The following LPP variants were observed in gnomAD, a reference collection of about 807,000 sequenced individuals.
The protein encoded by LPP is lipoma-preferred partner.
In LPP, 38 loss-of-function variants were observed where a neutral mutation model predicts 60.4. The ratio of observed to expected loss-of-function variants is 0.63; its 90% confidence interval spans 0.49 to 0.83. The LOEUF is 0.83. Among genes scored for constraint, LPP ranks in the 40% least tolerant of loss-of-function variants. LPP has a pLI of 0.00. For synonymous variants in LPP, 328 were observed against 290.8 expected, an observed-to-expected ratio of 1.13 and a Z score of -1.30; for missense variants, 902 against 783.6, an observed-to-expected ratio of 1.15 and a Z score of -1.80.
chr3:188,871,909 G>A (rs1768202088), intron 10 of LPP, among the ~76,000 whole-genome samples: 1 of 152,092 alleles, frequency 6.6e-6, no homozygotes, highest in African/African-American at 2.4e-5. Flanking sequence ...ATATGCATAT[G>A]CATATTTATA....
intron 4 of LPP, among the ~76,000 whole-genome samples, chr3:188,479,962 G>A (rs1166296816): frequency 6.6e-6 from 1 of 152,036 alleles, no homozygotes; most frequent in Non-Finnish European, 1.5e-5. Context: ...CTCTGATGGG[G>A]GCCTTTGTTT....
chr3:188,678,281 G>GT (rs1435665150), intron 7 of LPP, among the ~76,000 whole-genome samples: 2 of 152,192 alleles, frequency 1.3e-5, no homozygotes, highest in African/African-American at 4.8e-5. Flanking sequence ...ACAAACCAAA[G>GT]TCTTCTTCTG....
At chr3:188,862,785 A>G (rs1218914748) in intron 9 of LPP, among the ~76,000 whole-genome samples, 2 of 150,892 alleles carry the variant, frequency 1.3e-5, no homozygotes, top group Non-Finnish European at 3.0e-5. Context: ...GAGAGAGAGA[A>G]AGAAAGAAAG....
In LPP at chr3:188,381,503, C is replaced by T. The variant is rs149602286; in HGVS notation, c.-9-24609C>T. Among the ~76,000 whole-genome samples the T allele has an allele frequency of 4.4e-3, 669 of 152,248 alleles. 9 individuals are homozygous for T. Among genetic ancestry groups the T allele is most frequent in the African/African-American group, 0.015 (616 of 41,542 alleles). ...ACATCTCTTTACTCTAGAAGGTTCTCAAAGGAGTTACCACACATGAAAGAA... is the reference window on the plus strand; with the variant it reads ...ACATCTCTTTACTCTAGAAGGTTCTTAAAGGAGTTACCACACATGAAAGAA... On this transcript the variant is annotated intron_variant, in intron 3 of 11. Coordinates refer to ENST00000617246, the MANE Select transcript of LPP (RefSeq NM_001375462.1).
chr3:188,423,088 A>G (rs1788296774), intron 4 of LPP, among the ~76,000 whole-genome samples: 1 of 151,866 alleles, frequency 6.6e-6, no homozygotes, highest in African/African-American at 2.4e-5. Flanking sequence ...TCCTAATGCT[A>G]TCCCTCCCCT....
At chr3:188,847,686 CA>C (rs1206643041) in intron 9 of LPP, among the ~76,000 whole-genome samples, 1 of 152,082 alleles carries the variant, frequency 6.6e-6, no homozygotes, top group Non-Finnish European at 1.5e-5. Context: ...GGTTGTCAGG[CA>C]AATATCTGTT....
intron 1 of LPP, among the ~76,000 whole-genome samples, chr3:188,158,175 C>A (rs144002719): frequency 2.6e-4 from 40 of 151,952 alleles, no homozygotes; most frequent in African/African-American, 9.7e-4. Flanking sequence ...GGACTTTGAC[C>A]CTGGGCCGCG....
Position 188,475,859 on chromosome 3 carries a change from C to T in LPP, c.194-8733C>T, listed in dbSNP as rs571179900. On this transcript the variant is annotated intron_variant, in intron 4 of 11. Transcript: ENST00000617246. ...CGGAGCTTGCAGTGAGCCGAGATTG[C>T]GCCACTGCAGTCCAGCCTGGGCGAC... Among the ~76,000 whole-genome samples, 10 of 152,214 alleles carry T rather than the reference C, an allele frequency of 6.6e-5. No individual in the cohort carries two copies. The South Asian group carries it at 1.5e-3, about 22-fold the overall frequency.
intron 4 of LPP, among the ~76,000 whole-genome samples, chr3:188,407,631 G>A (rs907376310): frequency 2.0e-5 from 3 of 152,162 alleles, no homozygotes; most frequent in South Asian, 4.1e-4. Context: ...CATCTTTGCA[G>A]TTAATCAAGC....
At chr3:188,240,376 T>TGTGA (rs534393899) in intron 2 of LPP, among the ~76,000 whole-genome samples, 8,220 of 143,060 alleles carry the variant, frequency 0.057, 376 homozygotes, top group African/African-American at 0.13. Flanking sequence ...TGTGTGTGTG[T>TGTGA]GAGAGAGAGA....
intron 7 of LPP, among the ~76,000 whole-genome samples, chr3:188,675,398 C>T (rs374973022): frequency 3.9e-4 from 59 of 152,292 alleles, no homozygotes; most frequent in African/African-American, 1.3e-3. Context: ...AAACAAACCA[C>T]GCATACACAC....
intron 5 of LPP, among the ~76,000 whole-genome samples, chr3:188,520,762 T>C (rs1243866955): frequency 6.6e-6 from 1 of 152,156 alleles, no homozygotes; most frequent in African/African-American, 2.4e-5. Flanking sequence ...AGTGTGGGGA[T>C]TGTTATAATT....
In LPP at chr3:188,330,446, T is replaced by TC. The variant is rs979397505; in HGVS notation, c.-66-11212dup. 5.9e-5 allele frequency among the ~76,000 whole-genome samples: 9 copies of TC among 152,310 alleles called. No individual in the cohort carries two copies. In the South Asian group the frequency reaches 8.3e-4, roughly 14 times the overall value. On this transcript the variant is annotated intron_variant, in intron 2 of 11. Coordinates refer to ENST00000617246, the MANE Select transcript of LPP (RefSeq NM_001375462.1). Reference sequence around the variant, plus strand: ...GTTCTCATTCACCGTTCAGTTGCCTTCCCCCACCTGTGAGCTTTTTGAGTC... The same window carrying TC: ...GTTCTCATTCACCGTTCAGTTGCCTTCCCCCCACCTGTGAGCTTTTTGAGTC...
At chr3:188,185,571 G>A (rs966998578) in intron 1 of LPP, among the ~76,000 whole-genome samples, 7 of 151,778 alleles carry the variant, frequency 4.6e-5, no homozygotes, top group Admixed American at 2.6e-4. Flanking sequence ...AGTTTATTGC[G>A]TGGATAACTC....
intron 7 of LPP, among the ~76,000 whole-genome samples, chr3:188,701,942 C>T (rs1233230132): frequency 8.3e-6 from 1 of 120,054 alleles, no homozygotes; most frequent in Non-Finnish European, 1.7e-5. Flanking sequence ...CTGTTTTTTT[C>T]CCTTTTTTTT....
chr3:188,729,303 G>C (rs2150008804), intron 8 of LPP, among the ~76,000 whole-genome samples: 1 of 152,344 alleles, frequency 6.6e-6, no homozygotes, highest in Middle Eastern at 3.4e-3. Flanking sequence ...CTGGAGTTCA[G>C]TGATAAAAGA....
At chr3:188,631,000 A>G (rs1232589326) in intron 7 of LPP, among the ~76,000 whole-genome samples, 2 of 152,130 alleles carry the variant, frequency 1.3e-5, no homozygotes, top group Non-Finnish European at 2.9e-5. Flanking sequence ...AGAGGGGAAC[A>G]ATAGACACTA....
At chr3:188,445,599 G>T (rs957013530) in intron 4 of LPP, among the ~76,000 whole-genome samples, 2 of 151,570 alleles carry the variant, frequency 1.3e-5, no homozygotes, top group African/African-American at 4.9e-5. Context: ...TAACAAACCT[G>T]CACGTTCTGC....
intron 7 of LPP, among the ~76,000 whole-genome samples, chr3:188,649,881 T>C (rs1187791675): frequency 1.3e-5 from 2 of 152,196 alleles, no homozygotes; most frequent in African/African-American, 4.8e-5. Context: ...CATAGAAGGC[T>C]TAGGTAAATT....
Sources: allele counts gnomAD v4.1 joint callset (sites outside exome capture counted in the v4.1 genomes callset), GRCh38; gene constraint gnomAD v4.1.1; transcripts MANE v1.5; gene names NCBI Gene and HGNC (gene_info 2026-07-23, HGNC 2026-07-21).